The following SEMA3E variants were observed in gnomAD, a reference collection of about 807,000 sequenced individuals.
The protein encoded by SEMA3E is semaphorin-3E.
SEMA3E carries 49 observed loss-of-function variants against 93.6 expected under a neutral mutation model. The observed-to-expected ratio is 0.52, with a 90% CI of 0.42 to 0.66. SEMA3E has a LOEUF of 0.66. Among genes scored for constraint, SEMA3E ranks in the 30% least tolerant of loss-of-function variants. The pLI, the probability that SEMA3E is intolerant of heterozygous loss-of-function variation, is 0.00. For synonymous variants in SEMA3E, 363 were observed against 330.7 expected (o/e 1.10, Z -1.06); for missense variants, 906 against 964.8 (o/e 0.94, Z 0.81).
intron 1 of SEMA3E, among the ~76,000 whole-genome samples, chr7:83,526,265 T>C (rs767877597): frequency 1.1e-4 from 16 of 152,152 alleles, no homozygotes; most frequent in Non-Finnish European, 1.9e-4. Context: ...GAGATGGTTT[T>C]TAAACACATA....
intron 4 of SEMA3E, among the ~76,000 whole-genome samples, chr7:83,452,965 T>C (rs765290247): frequency 1.1e-4 from 16 of 152,158 alleles, no homozygotes; most frequent in Middle Eastern, 3.2e-3. Flanking sequence ...CTCCAATGGA[T>C]AAAATGCATA....
intron 1 of SEMA3E, among the ~76,000 whole-genome samples, chr7:83,603,292 T>C (rs1164828060): frequency 6.6e-6 from 1 of 152,014 alleles, no homozygotes; most frequent in Non-Finnish European, 1.5e-5. Flanking sequence ...CTAATGAGTA[T>C]TAGATTGTTT....
chr7:83,408,548 A>G, intron 5 of SEMA3E, 61 bp from the exon 6 acceptor site: 3 of 1,537,862 alleles, frequency 2.0e-6, no homozygotes, highest in African/African-American at 1.4e-5. Context: ...CAAATTAAAC[A>G]CATCCAAATT....
chr7:83,563,905 A>T (rs1268416984), intron 1 of SEMA3E, among the ~76,000 whole-genome samples: 2 of 152,154 alleles, frequency 1.3e-5, no homozygotes, highest in Non-Finnish European at 2.9e-5. Context: ...TCACTTCACC[A>T]AAAAATAAAT....
At position 83,366,086 on chromosome 7, in the gene SEMA3E, GT is replaced by G. The variant is rs1192865250; in HGVS notation, c.*1499del. The G allele has an allele frequency of 1.3e-5, 2 of 151,996 alleles. No homozygotes were observed. Among genetic ancestry groups the G allele is most frequent in the Non-Finnish European group, 2.9e-5 (2 of 67,930 alleles). 9.4% of individuals were successfully genotyped at this position (151,996 alleles called of 1,614,324 possible). Reference sequence around the variant, plus strand: ...TTTTTCTTAAAATATTTATGTATTTGTTCATTTTACAATGAAATTGCAAGTG... The same window carrying G: ...TTTTTCTTAAAATATTTATGTATTTGTCATTTTACAATGAAATTGCAAGTG... On this transcript the variant is annotated 3_prime_UTR_variant, in exon 17 of 17. Transcript: ENST00000643230.
At chr7:83,474,812 A>G (rs1789975447) in intron 2 of SEMA3E, among the ~76,000 whole-genome samples, 1 of 152,180 alleles carries the variant, frequency 6.6e-6, no homozygotes, top group Non-Finnish European at 1.5e-5. Context: ...CTGATCTATT[A>G]TTTTGGAAAA....
chr7:83,506,009 C>T (rs184514922), intron 1 of SEMA3E, among the ~76,000 whole-genome samples: 189 of 95,316 alleles, frequency 2.0e-3, no homozygotes, highest in Non-Finnish European at 2.9e-3. Flanking sequence ...TGCTAGACTC[C>T]GTCTCCAAAA....
chr7:83,607,032 T>C (rs1034629422), intron 1 of SEMA3E, among the ~76,000 whole-genome samples: 2 of 152,168 alleles, frequency 1.3e-5, no homozygotes, highest in African/African-American at 2.4e-5. Context: ...AATGCTTCTA[T>C]GTATAATTGT....
chr7:83,612,382 AG>A (rs1377539471), intron 1 of SEMA3E, among the ~76,000 whole-genome samples: 1 of 152,242 alleles, frequency 6.6e-6, no homozygotes, highest in East Asian at 1.9e-4. Context: ...TACAATTTTA[AG>A]GTCATACTAT....
rs539331097 is a variant in SEMA3E, at chr7:83,402,706, A to G, written c.1069T>C (p.Tyr357His). The change falls in exon 10 of 17, where the codon TAT becomes CAT. Residue 357 changes from tyrosine (Y) to histidine (H), a missense_variant. Physicochemically the swap from Tyr to His is moderately conservative, Grantham distance 83. Transcript: ENST00000643230. ...SSIRAAFNGP[Y>H]AHKEGPEYHW... ...TATTCAGGTCCTTCCTTATGTGCAT[A>G]TGGTCCGTTGAAGGCTGCCCGAATG... 2 of 1,613,010 alleles carry G rather than the reference A, an allele frequency of 1.2e-6. No homozygotes were observed. Among genetic ancestry groups the G allele is most frequent in the South Asian group, 1.1e-5 (1 of 91,064 alleles).
At chr7:83,425,795 A>ATTC (rs1345202502) in intron 4 of SEMA3E, among the ~76,000 whole-genome samples, 5 of 152,202 alleles carry the variant, frequency 3.3e-5, no homozygotes, top group African/African-American at 1.2e-4. Context: ...TCAACAGAGT[A>ATTC]TGGACAACCT....
At chr7:83,379,340 C>T (rs1787729215) in intron 16 of SEMA3E, among the ~76,000 whole-genome samples, 1 of 151,536 alleles carries the variant, frequency 6.6e-6, no homozygotes, top group Non-Finnish European at 1.5e-5. Flanking sequence ...CCAGAGTCAC[C>T]ACTATGCAAT....
chr7:83,404,947 C>T (rs1788299339), intron 9 of SEMA3E, among the ~76,000 whole-genome samples: 1 of 151,848 alleles, frequency 6.6e-6, no homozygotes, highest in Admixed American at 6.6e-5. Flanking sequence ...GCAAAGTAGA[C>T]ACTGATTGGC....
rs1228423153 is a variant in SEMA3E at position 83,430,907 on chromosome 7, G to T, written c.457-12424C>A. On this transcript the variant is annotated intron_variant, in intron 4 of 16. Coordinates refer to ENST00000643230, the MANE Select transcript of SEMA3E (RefSeq NM_012431.3). ...ATTAAAATGTTATACGAAACCAAAAGTTACTATGGCCAAGGAAGAAATTTC... is the reference window on the plus strand; with the variant it reads ...ATTAAAATGTTATACGAAACCAAAATTTACTATGGCCAAGGAAGAAATTTC... Among the ~76,000 whole-genome samples, 3 of 151,942 alleles carry T rather than the reference G, an allele frequency of 2.0e-5. 1 individual carries two copies. The highest frequency in any genetic ancestry group is 1.5e-5 in the Non-Finnish European group (1 of 68,000).
intron 1 of SEMA3E, among the ~76,000 whole-genome samples, chr7:83,561,161 C>T (rs1318753019): frequency 1.3e-5 from 2 of 151,814 alleles, no homozygotes; most frequent in Non-Finnish European, 2.9e-5. Flanking sequence ...CACAATATTG[C>T]CAATGTGAAA....
intron 2 of SEMA3E, among the ~76,000 whole-genome samples, chr7:83,488,857 G>T (rs911484035): frequency 1.3e-5 from 2 of 151,990 alleles, no homozygotes; most frequent in Non-Finnish European, 2.9e-5. Context: ...ATTGAGAGGA[G>T]TATAAAAACT....
chr7:83,553,651 C>A (rs1791823995), intron 1 of SEMA3E, among the ~76,000 whole-genome samples: 1 of 152,050 alleles, frequency 6.6e-6, no homozygotes, highest in Non-Finnish European at 1.5e-5. Flanking sequence ...TTAGGGACCT[C>A]AAAACAACTA....
chr7:83,599,320 A>G (rs1345190943), intron 1 of SEMA3E, among the ~76,000 whole-genome samples: 2 of 152,160 alleles, frequency 1.3e-5, no homozygotes, highest in Non-Finnish European at 2.9e-5. Context: ...TTCCCCTTCT[A>G]GAGGGGTAAA....
At chr7:83,417,880 A>G (rs2709894) in intron 5 of SEMA3E, among the ~76,000 whole-genome samples, 81,143 of 151,968 alleles carry the variant, frequency 0.53, 23,462 homozygotes, top group East Asian at 0.84. Flanking sequence ...GGTTGAGCGG[A>G]TCAACTTCTA....
Sources: allele counts gnomAD v4.1 joint callset (sites outside exome capture counted in the v4.1 genomes callset), GRCh38; gene constraint gnomAD v4.1.1; transcripts MANE v1.5; gene names NCBI Gene and HGNC (gene_info 2026-07-23, HGNC 2026-07-21).